Variants in ARPP21 observed in about 807,000 individuals in gnomAD.
The protein encoded by ARPP21 is cAMP regulated phosphoprotein 21.
Under a neutral mutation model 113.2 loss-of-function variants are expected in ARPP21, and 69 were observed. The observed-to-expected ratio is 0.61, with a 90% CI of 0.50 to 0.74. The LOEUF (loss-of-function observed/expected upper bound fraction) is 0.74. Ranked by LOEUF, ARPP21 falls within the 30% of genes least tolerant of loss-of-function variation. The pLI, the probability that ARPP21 is intolerant of heterozygous loss-of-function variation, is 0.00. For synonymous variants in ARPP21, 368 were observed against 375.5 expected (o/e 0.98, Z 0.23); for missense variants, 1,070 against 1,037.4 (o/e 1.03, Z -0.43).
At chr3:35,751,418 C>A (rs563870223) in intron 19 of ARPP21, among the ~76,000 whole-genome samples, 17 of 152,080 alleles carry the variant, frequency 1.1e-4, no homozygotes, top group Non-Finnish European at 2.2e-4. Flanking sequence ...ACCCATGCAG[C>A]TTTTATGGGG....
At chr3:35,728,062 C>T (rs748248098) in intron 14 of ARPP21, among the ~76,000 whole-genome samples, 2 of 151,394 alleles carry the variant, frequency 1.3e-5, no homozygotes, top group Non-Finnish European at 2.9e-5. Context: ...AAGGCCAAGC[C>T]CTCTTTGGTC....
At chr3:35,674,198 T>C (rs892184301) in intron 1 of ARPP21, among the ~76,000 whole-genome samples, 1 of 151,940 alleles carries the variant, frequency 6.6e-6, no homozygotes. Flanking sequence ...TCATTTCACG[T>C]TTTCATCCCT....
intron 19 of ARPP21, among the ~76,000 whole-genome samples, chr3:35,782,819 C>G (rs147262767): frequency 6.6e-6 from 1 of 152,126 alleles, no homozygotes; most frequent in Non-Finnish European, 1.5e-5. Context: ...CCCATCAACC[C>G]TATGCCTCCC....
chr3:35,715,284 C>T, intron 11 of ARPP21, 155 bp from the exon 12 acceptor site: 7 of 630,116 alleles, frequency 1.1e-5, no homozygotes, highest in Non-Finnish European at 8.5e-6. Flanking sequence ...CTAATCCTAA[C>T]CAACCTTTTT....
At chr3:35,709,493 T>C (rs531329329) in intron 11 of ARPP21, among the ~76,000 whole-genome samples, 3 of 152,282 alleles carry the variant, frequency 2.0e-5, no homozygotes, top group East Asian at 3.9e-4. Flanking sequence ...CACATCCATA[T>C]ACAACGAGTA....
At chr3:35,688,996 A>G (rs1362704863) in intron 6 of ARPP21, among the ~76,000 whole-genome samples, 2 of 149,832 alleles carry the variant, frequency 1.3e-5, no homozygotes, top group Non-Finnish European at 3.0e-5. Context: ...TGCCCTTGTT[A>G]TTTACAATGC....
At position 35,737,161 on chromosome 3, in the gene ARPP21, T is replaced by C; in HGVS notation, c.1460-17T>C. The C allele has an allele frequency of 1.3e-6, 2 of 1,548,686 alleles. No individual in the cohort carries two copies. The highest frequency in any genetic ancestry group is 1.1e-5 in the South Asian group (1 of 87,556). The stretch of plus-strand genomic sequence containing the variant: ...GATTGAGAAGCTTACCTGGACTAAG[T>C]TCTGATTCCATTGCAGGCCAGCCCT... On this transcript the variant is annotated splice_polypyrimidine_tract_variant and intron_variant, in intron 15 of 20. Coordinates refer to ENST00000684406, the MANE Select transcript of ARPP21 (RefSeq NM_001385562.1).
chr3:35,668,280 T>C (rs1367526835), intron 1 of ARPP21, among the ~76,000 whole-genome samples: 3 of 152,210 alleles, frequency 2.0e-5, no homozygotes, highest in Non-Finnish European at 4.4e-5. Flanking sequence ...ATTTTTAGTA[T>C]TTGGATGGGC....
rs201057344 is a variant in ARPP21 at position 35,793,875 on chromosome 3, T to C, written c.2461T>C (p.Ser821Pro). 68 of 1,613,922 alleles carry C rather than the reference T, an allele frequency of 4.2e-5. No homozygotes were observed. The highest frequency in any genetic ancestry group is 6.8e-6 in the Non-Finnish European group (8 of 1,179,958). ...TAGGCTGATTGGCCCACACTGCCCCTCCAGCACTGTCCCAGTGATGTCAGC... is the reference window on the plus strand; with the variant it reads ...TAGGCTGATTGGCCCACACTGCCCCCCCAGCACTGTCCCAGTGATGTCAGC... ...NLRLIGPHCPSSTVPVMSASC... is the reference protein window; with the variant it reads ...NLRLIGPHCPPSTVPVMSASC... The change falls in exon 21 of 21, where the codon TCC (serine) becomes CCC (proline). Residue 821 changes from serine (S) to proline (P), a missense_variant. By Grantham distance (74) the Ser-to-Pro change is moderately conservative. Coordinates refer to ENST00000684406, the MANE Select transcript of ARPP21 (RefSeq NM_001385562.1).
rs114790361 is a variant in ARPP21 at position 35,736,725 on chromosome 3, G to A, written c.1460-453G>A. 3.0e-3 allele frequency among the ~76,000 whole-genome samples: 450 copies of A among 152,292 alleles called. 5 individuals carry two copies. Among genetic ancestry groups the A allele is most frequent in the African/African-American group, 0.01 (424 of 41,554 alleles). Reference sequence around the variant, plus strand: ...TCTGAATTGGTGACAAGGCTTAGTAGCAGCAAAATAAATGTATTGGTAAAT... The same window carrying A: ...TCTGAATTGGTGACAAGGCTTAGTAACAGCAAAATAAATGTATTGGTAAAT... On this transcript the variant is annotated intron_variant, in intron 15 of 20. Transcript: ENST00000684406.
At chr3:35,667,957 G>GAAAAAC (rs1559548941) in intron 1 of ARPP21, among the ~76,000 whole-genome samples, 1 of 33,692 alleles carries the variant, frequency 3.0e-5, no homozygotes, top group African/African-American at 1.1e-4. Flanking sequence ...AAAAGAAGAA[G>GAAAAAC]AAGAAGAAGA....
intron 19 of ARPP21, among the ~76,000 whole-genome samples, chr3:35,760,639 GAATTT>G (rs767058993): frequency 4.6e-5 from 7 of 152,058 alleles, no homozygotes; most frequent in Non-Finnish European, 7.4e-5. Context: ...GTGCATGGAA[GAATTT>G]GGAGGCATTG....
rs2095516064 is a variant in ARPP21 at position 35,754,700 on chromosome 3, G to C, written c.2137+10735G>C. On this transcript the variant is annotated intron_variant, in intron 19 of 20. Transcript: ENST00000684406. ...TCCCAAAAACGGTATAGATGGCCAG[G>C]TTCTCTCTATCCCCTAGGAGGTTAC... Among the ~76,000 whole-genome samples the C allele has an allele frequency of 2.0e-5, 3 of 151,822 alleles. No homozygotes were observed. The South Asian group carries it at 6.2e-4, about 31-fold the overall frequency.
intron 1 of ARPP21, among the ~76,000 whole-genome samples, chr3:35,672,388 C>T (rs1246566988): frequency 6.6e-6 from 1 of 152,086 alleles, no homozygotes; most frequent in Non-Finnish European, 1.5e-5. Flanking sequence ...CCTGGTTTTA[C>T]TTTCAGGTAC....
intron 1 of ARPP21, among the ~76,000 whole-genome samples, chr3:35,668,031 A>G (rs188081193): frequency 1.0e-3 from 149 of 145,744 alleles, no homozygotes; most frequent in Non-Finnish European, 1.5e-3. Context: ...AAGAAGAAGA[A>G]GGAGAAGAAG....
chr3:35,791,766 G>T (rs1388993704), intron 19 of ARPP21, among the ~76,000 whole-genome samples: 1 of 152,116 alleles, frequency 6.6e-6, no homozygotes, highest in Non-Finnish European at 1.5e-5. Context: ...TCTCTCAGAA[G>T]CTAGTGGTGA....
Position 35,721,761 on chromosome 3 carries a change from TG to T in ARPP21, c.1157del (p.Gly386AlafsTer5). The T allele has an allele frequency of 6.2e-7, 1 of 1,613,800 alleles. No individual in the cohort carries two copies. The highest frequency in any genetic ancestry group is 8.5e-7 in the Non-Finnish European group (1 of 1,179,854). On this transcript the variant is annotated frameshift_variant, in exon 14 of 21. Transcript: ENST00000684406. LOFTEE classifies it high-confidence loss of function. ...KPAMTKTASF[G>X]GITVLTRGDS... The stretch of plus-strand genomic sequence containing the variant: ...CCGCCATGACCAAGACGGCGAGTTT[TG>T]GGGGCATCACGGTGCTGACCAGGGG...
chr3:35,695,527 C>T (rs2083651712), intron 9 of ARPP21, among the ~76,000 whole-genome samples: 1 of 151,434 alleles, frequency 6.6e-6, no homozygotes, highest in Non-Finnish European at 1.5e-5. Context: ...CTTTGTAGAT[C>T]CAAAGTAGAC....
intron 19 of ARPP21, among the ~76,000 whole-genome samples, chr3:35,777,363 G>A (rs754824911): frequency 6.6e-6 from 1 of 152,180 alleles, no homozygotes; most frequent in Admixed American, 6.5e-5. Flanking sequence ...CAGTTAATAA[G>A]CAAGAAAAGT....
Sources: gnomAD v4.1 joint callset for allele counts (sites outside exome capture counted in the v4.1 genomes callset) on GRCh38, gnomAD v4.1.1 for gene constraint, MANE v1.5 for transcripts, NCBI Gene and HGNC (gene_info 2026-07-23, HGNC 2026-07-21) for gene names.